The following TRIB2 variants were observed in gnomAD, a reference collection of about 807,000 sequenced individuals.
TRIB2 encodes the protein tribbles pseudokinase 2, also known as tribbles homolog 2.
Under a neutral mutation model 26.8 loss-of-function variants are expected in TRIB2, and 2 were observed. The ratio of observed to expected loss-of-function variants is 0.07; its 90% confidence interval spans 0.03 to 0.24. The LOEUF (loss-of-function observed/expected upper bound fraction) is 0.24, where lower values mean the gene tolerates loss of function less well. Among genes scored for constraint, TRIB2 ranks in the 10% least tolerant of loss-of-function variants. The probability of loss-of-function intolerance (pLI) is 1.00; values close to 1 mark genes in which losing one functional copy is unlikely to be tolerated. For missense variants in TRIB2, 306 were observed against 449.0 expected (o/e 0.68, Z 2.88); for synonymous variants, 189 against 187.3 (o/e 1.01, Z -0.08).
chr2:12,717,720 C>T lies in TRIB2; in HGVS notation c.-588C>T. 2 of 380,832 alleles carry T rather than the reference C, an allele frequency of 5.3e-6. No homozygotes were observed. Among genetic ancestry groups the T allele is most frequent in the Non-Finnish European group, 9.3e-6 (2 of 215,618 alleles). 23.6% of individuals were successfully genotyped at this position (380,832 alleles called of 1,614,324 possible). On this transcript the variant is annotated 5_prime_UTR_variant, in exon 1 of 3. Transcript: ENST00000155926. The surrounding 1 kb of genome is among the most constrained non-coding windows in gnomAD (Gnocchi z 4.8). ...TGCCCTCTCCCGCACCCCCCCCTTA[C>T]ACGCCCCCCACCCTTTCCACCAAAA...
chr2:12,718,314 A>G lies in TRIB2; in HGVS notation c.7A>G (p.Ile3Val), dbSNP rs751185195. 6.2e-7 allele frequency: 1 copy of G among 1,613,788 alleles called. No individual in the cohort carries two copies. Among genetic ancestry groups the G allele is most frequent in the South Asian group, 1.1e-5 (1 of 91,080 alleles). Reference protein sequence around the residue: MNIHRSTPITIAR... With the variant: MNVHRSTPITIAR... ...GTGTGCGATCCTCACACTCATGAACATACACAGGTCTACCCCCATCACAAT... is the reference window on the plus strand; with the variant it reads ...GTGTGCGATCCTCACACTCATGAACGTACACAGGTCTACCCCCATCACAAT... The change falls in exon 1 of 3, where the codon ATA becomes GTA. Residue 3 changes from isoleucine to valine, a missense_variant. Coordinates refer to ENST00000155926, the MANE Select transcript of TRIB2 (RefSeq NM_021643.4). This position sits in a 1 kb window ranked among gnomAD's most constrained non-coding sequence, Gnocchi z 4.0.
intron 2 of TRIB2, 116 bp downstream of exon 2, chr2:12,723,668 G>C: frequency 1.6e-6 from 2 of 1,236,816 alleles, no homozygotes; most frequent in Non-Finnish European, 2.2e-6. Flanking sequence ...TGAGGGGAAG[G>C]AATCTTAGGA....
chr2:12,721,878 A>T (rs1305939439), intron 1 of TRIB2, among the ~76,000 whole-genome samples: 1 of 152,170 alleles, frequency 6.6e-6, no homozygotes, highest in African/African-American at 2.4e-5. Flanking sequence ...GTGGCTTTGG[A>T]TGGGCTTCAG....
intron 2 of TRIB2, among the ~76,000 whole-genome samples, chr2:12,733,301 G>A (rs1430343018): frequency 1.3e-5 from 2 of 152,178 alleles, no homozygotes; most frequent in Non-Finnish European, 2.9e-5. Context: ...GGATGGTTTT[G>A]TACCAGATCT....
Position 12,718,114 on chromosome 2 carries a change from C to T in TRIB2, c.-194C>T. The T allele has an allele frequency of 1.3e-6, 1 of 742,364 alleles. No homozygotes were observed. The highest frequency in any genetic ancestry group is 2.8e-5 in the East Asian group (1 of 35,978). 46.0% of individuals were successfully genotyped at this position (742,364 alleles called of 1,614,324 possible). A position where few individuals can be genotyped will look rare whatever the true frequency, so the allele number is the denominator to read the frequency against. On this transcript the variant is annotated 5_prime_UTR_variant, in exon 1 of 3. Coordinates refer to ENST00000155926, the MANE Select transcript of TRIB2 (RefSeq NM_021643.4). This position sits in a 1 kb window ranked among gnomAD's most constrained non-coding sequence, Gnocchi z 4.0. ...CGACCGAGGACCCCCGGGAGCCGGG[C>T]TCGGAGCAGACGAGGTATCCGGCGG... is the stretch of plus-strand genomic sequence containing the variant.
chr2:12,725,336 A>C (rs1661314815), intron 2 of TRIB2, among the ~76,000 whole-genome samples: 1 of 152,246 alleles, frequency 6.6e-6, no homozygotes, highest in Admixed American at 6.5e-5. Flanking sequence ...TCCCCAAGTC[A>C]TAGAACATGG....
rs560972568 is a variant in TRIB2 at position 12,717,129 on chromosome 2, T to TGG, written c.-1172_-1171dup. On this transcript the variant is annotated 5_prime_UTR_variant, in exon 1 of 3. Transcript: ENST00000155926. The surrounding 1 kb of genome is among the most constrained non-coding windows in gnomAD (Gnocchi z 4.8). ...TAAATACACGGTCCCCTCTTTTCTC[T>TGG]GGGGGGGGCAAGCAAGAAATCAAAG... The TGG allele has an allele frequency of 5.5e-6, 2 of 364,414 alleles. No homozygotes were observed. Among genetic ancestry groups the TGG allele is most frequent in the African/African-American group, 2.1e-5 (1 of 47,386 alleles). The allele number at this position is 364,414 out of a possible 1,614,324, so 22.6% of individuals were successfully genotyped here.
rs1661728862 is a variant in TRIB2, at chr2:12,742,428, C to T, written c.*1634C>T. ...AGCAGGAGCCCTGTCCTCACGTTCC[C>T]AGGAGGGCGGCTTCACCCTTCGTAA... On this transcript the variant is annotated 3_prime_UTR_variant, in exon 3 of 3. Transcript: ENST00000155926. The T allele has an allele frequency of 6.6e-6, 1 of 152,612 alleles. No homozygotes were observed. The allele number at this position is 152,612 out of a possible 1,614,324, so 9.5% of individuals were successfully genotyped here.
At chr2:12,726,901 T>G (rs1162808583) in intron 2 of TRIB2, among the ~76,000 whole-genome samples, 1 of 152,220 alleles carries the variant, frequency 6.6e-6, no homozygotes, top group Admixed American at 6.5e-5. Flanking sequence ...GTTTCGATTG[T>G]GTGCCATCTG....
At chr2:12,728,779 C>T (rs1402109670) in intron 2 of TRIB2, among the ~76,000 whole-genome samples, 1 of 152,182 alleles carries the variant, frequency 6.6e-6, no homozygotes, top group African/African-American at 2.4e-5. Flanking sequence ...ATTCACAGAC[C>T]TGTGCCTCCC....
At chr2:12,734,143 C>T (rs1004607746) in intron 2 of TRIB2, among the ~76,000 whole-genome samples, 3 of 152,230 alleles carry the variant, frequency 2.0e-5, no homozygotes, top group African/African-American at 7.2e-5. Flanking sequence ...GATCCAGCTT[C>T]TCTGGCCAAA....
chr2:12,718,681 C>T lies in TRIB2; in HGVS notation c.270+104C>T, dbSNP rs1307833246. The T allele has an allele frequency of 1.7e-5, 24 of 1,427,692 alleles. No individual in the cohort carries two copies. Among genetic ancestry groups the T allele is most frequent in the African/African-American group, 4.3e-5 (3 of 69,666 alleles). 88.4% of individuals were successfully genotyped at this position (1,427,692 alleles called of 1,614,324 possible). On this transcript the variant is annotated intron_variant, in intron 1 of 2. Transcript: ENST00000155926. The surrounding 1 kb of genome is among the most constrained non-coding windows in gnomAD (Gnocchi z 4.0). ...AGAGGGAGATTCGCGGGATAATTAC[C>T]GTGGCCTTATTAAATGGGTTTATTT...
At chr2:12,734,400 G>C (rs1253446975) in intron 2 of TRIB2, among the ~76,000 whole-genome samples, 3 of 152,080 alleles carry the variant, frequency 2.0e-5, no homozygotes, top group African/African-American at 4.8e-5. Context: ...ACAGAGCTGG[G>C]GAAAAGCATT....
At chr2:12,725,227 G>A (rs984706644) in intron 2 of TRIB2, among the ~76,000 whole-genome samples, 1 of 152,256 alleles carries the variant, frequency 6.6e-6, no homozygotes, top group East Asian at 1.9e-4. Flanking sequence ...CCATAGGGAG[G>A]AACTCTCGGG....
At chr2:12,721,153 G>T (rs1661208262) in intron 1 of TRIB2, among the ~76,000 whole-genome samples, 1 of 152,100 alleles carries the variant, frequency 6.6e-6, no homozygotes, top group Admixed American at 6.5e-5. Context: ...GAAAACATAA[G>T]TACTTATTTT....
rs765210830 is a variant in TRIB2 at position 12,740,416 on chromosome 2, C to T, written c.654C>T (p.Tyr218=). The T allele has an allele frequency of 3.7e-5, 59 of 1,614,020 alleles. No homozygotes were observed. Among genetic ancestry groups the T allele is most frequent in the South Asian group, 5.5e-5 (5 of 91,086 alleles). Residue 218 remains tyrosine, a synonymous_variant, in exon 3 of 3, where the codon TAC becomes TAT. Transcript: ENST00000155926. The surrounding 1 kb of genome is among the most constrained non-coding windows in gnomAD (Gnocchi z 5.8). ...SLSDKHGCPA[Y]VSPEILNTSG... ...CCGACAAGCATGGCTGCCCGGCTTA[C>T]GTAAGCCCAGAGATCTTGAACACCA...
intron 2 of TRIB2, among the ~76,000 whole-genome samples, chr2:12,731,052 T>C (rs894862989): frequency 2.0e-5 from 3 of 152,186 alleles, no homozygotes; most frequent in African/African-American, 4.8e-5. Flanking sequence ...GTGCTAGGTG[T>C]TGATGGTACA....
rs1661713085 is a variant in TRIB2 at position 12,741,557 on chromosome 2, G to T, written c.*763G>T. ...TTACTGCTATCTTAGTTTAAAGGGG[G>T]AAAGAAAAGGGAAGAAGAAAGGAAA... On this transcript the variant is annotated 3_prime_UTR_variant, in exon 3 of 3. Transcript: ENST00000155926. 1 of 152,222 alleles carries T rather than the reference G, an allele frequency of 6.6e-6. No individual in the cohort carries two copies. The highest frequency in any genetic ancestry group is 6.5e-5 in the Admixed American group (1 of 15,278). The allele number at this position is 152,222 out of a possible 1,614,324, so 9.4% of individuals were successfully genotyped here. A position where few individuals can be genotyped will look rare whatever the true frequency, so the allele number is the denominator to read the frequency against.
chr2:12,723,125 C>A, intron 1 of TRIB2, 135 bp from the exon 2 acceptor site: 1 of 942,826 alleles, frequency 1.1e-6, no homozygotes, highest in Non-Finnish European at 1.6e-6. Context: ...GAGGCAGGGC[C>A]AATGTGGTCT....
Sources: gnomAD v4.1 joint callset for allele counts (sites outside exome capture counted in the v4.1 genomes callset) on GRCh38, gnomAD v4.1.1 for gene constraint, Gnocchi (gnomAD v3.1) non-coding constraint, MANE v1.5 for transcripts, NCBI Gene and HGNC (gene_info 2026-07-23, HGNC 2026-07-21) for gene names.